GASK1B: variants seen among roughly 807,000 people sequenced by gnomAD.
GASK1B encodes golgi associated kinase 1B, also known as Golgi-associated kinase 1B.
In GASK1B, 34 loss-of-function variants were observed where a neutral mutation model predicts 42.8. That is an observed-to-expected ratio of 0.79 (90% CI 0.60 to 1.06). The LOEUF (loss-of-function observed/expected upper bound fraction) is 1.06. Among genes scored for constraint, GASK1B ranks in the 50% least tolerant of loss-of-function variants. The pLI is 0.00. For missense variants in GASK1B, 686 were observed against 661.0 expected, an observed-to-expected ratio of 1.04 and a Z score of -0.42; for synonymous variants, 262 against 259.1, an observed-to-expected ratio of 1.01 and a Z score of -0.11.
chr4:158,152,255 G>A (rs2110983245), intron 3 of GASK1B, among the ~76,000 whole-genome samples: 1 of 152,246 alleles, frequency 6.6e-6, no homozygotes, highest in African/African-American at 2.4e-5. Flanking sequence ...ACTTCACCTT[G>A]TGATTGTGTG....
intron 3 of GASK1B, among the ~76,000 whole-genome samples, chr4:158,144,122 T>A (rs924687705): frequency 1.3e-5 from 2 of 152,132 alleles, no homozygotes; most frequent in African/African-American, 4.8e-5. Context: ...TCTCTATACA[T>A]CTAAACATAT....
chr4:158,171,172 C>T lies in GASK1B; in HGVS notation c.204G>A (p.Lys68=). 3.1e-6 allele frequency: 5 copies of T among 1,612,010 alleles called. No individual in the cohort carries two copies. The highest frequency in any genetic ancestry group is 3.3e-4 in the Middle Eastern group (2 of 6,052). Residue 68 remains lysine (K), a synonymous_variant, in exon 2 of 5, where the codon AAG becomes AAA. Transcript: ENST00000585682. ...CGGTGTCGCGGCTGCGATGTGGCCC[C>T]TTCTCAGCCGCCTGTCCATGCTGGA... The part of the protein sequence containing the change: ...ASLQHGQAAE[K]GPHRSRDTAE...
intron 3 of GASK1B, among the ~76,000 whole-genome samples, chr4:158,152,629 TACCAAAAAGATAATCC>T (rs1731601463): frequency 6.6e-6 from 1 of 151,944 alleles, no homozygotes; most frequent in Non-Finnish European, 1.5e-5. Context: ...CAATCCAGCA[TACCAAAAAGATAATCC>T]ACCATGATCA....
rs200124851 is a variant in GASK1B at position 158,148,052 on chromosome 4, A to AT, written c.1125+7558dup. The stretch of plus-strand genomic sequence containing the variant: ...GATAATGAGACCTGTCTCTAAAAAA[A>AT]TTTTTTGAATGTTTTAAAAAGTGTG... On this transcript the variant is annotated intron_variant, in intron 3 of 4. Coordinates refer to ENST00000585682, the MANE Select transcript of GASK1B (RefSeq NM_001128424.2). Among the ~76,000 whole-genome samples the AT allele has an allele frequency of 4.2e-3, 637 of 152,136 alleles. 3 individuals carry two copies. The highest frequency in any genetic ancestry group is 0.015 in the African/African-American group (606 of 41,498).
intron 2 of GASK1B, among the ~76,000 whole-genome samples, chr4:158,160,856 C>A (rs1486532840): frequency 6.6e-6 from 1 of 152,044 alleles, no homozygotes; most frequent in Non-Finnish European, 1.5e-5. Context: ...ATAATACAGG[C>A]ACAGAAAGAC....
chr4:158,134,766 T>C (rs531602087), intron 3 of GASK1B, among the ~76,000 whole-genome samples: 1 of 152,298 alleles, frequency 6.6e-6, no homozygotes, highest in South Asian at 2.1e-4. Flanking sequence ...TAGTTTTGCA[T>C]GTAGGAAAAA....
chr4:158,141,390 A>T (rs1268202445), intron 3 of GASK1B, among the ~76,000 whole-genome samples: 6 of 151,264 alleles, frequency 4.0e-5, no homozygotes, highest in Admixed American at 3.9e-4. Context: ...CCTTTTGGTT[A>T]TTGAGGACAG....
chr4:158,150,806 G>A (rs766475242), intron 3 of GASK1B, among the ~76,000 whole-genome samples: 19 of 152,188 alleles, frequency 1.2e-4, no homozygotes, highest in Non-Finnish European at 1.8e-4. Flanking sequence ...GCAGAACTTG[G>A]TGGCTGCTGA....
intron 2 of GASK1B, among the ~76,000 whole-genome samples, chr4:158,165,926 T>C (rs770725479): frequency 7.9e-5 from 12 of 152,218 alleles, no homozygotes; most frequent in Non-Finnish European, 1.8e-4. Flanking sequence ...ATACAGTGTG[T>C]ATACTATGTG....
chr4:158,132,355 C>T (rs538147876), intron 3 of GASK1B, among the ~76,000 whole-genome samples: 40 of 152,190 alleles, frequency 2.6e-4, no homozygotes, highest in African/African-American at 8.4e-4. Flanking sequence ...AAAGGGATGC[C>T]GAAAAGCAGT....
intron 3 of GASK1B, among the ~76,000 whole-genome samples, chr4:158,132,529 A>G (rs552564466): frequency 5.2e-4 from 79 of 152,328 alleles, no homozygotes; most frequent in African/African-American, 1.9e-3. Context: ...TGAAATGGTT[A>G]TTTAGTTTTC....
intron 3 of GASK1B, among the ~76,000 whole-genome samples, chr4:158,152,178 T>C (rs1212660544): frequency 6.6e-6 from 1 of 152,170 alleles, no homozygotes; most frequent in African/African-American, 2.4e-5. Flanking sequence ...TCGACTTCCT[T>C]GCTTTTGAGA....
At chr4:158,150,453 C>A (rs138355603) in intron 3 of GASK1B, among the ~76,000 whole-genome samples, 165 of 152,208 alleles carry the variant, frequency 1.1e-3, no homozygotes, top group Middle Eastern at 3.4e-3. Flanking sequence ...ACTCTATCAC[C>A]CCAATAGAAC....
intron 3 of GASK1B, among the ~76,000 whole-genome samples, chr4:158,138,293 T>C (rs4691461): frequency 0.77 from 116,803 of 152,064 alleles, 46,322 homozygotes; most frequent in East Asian, 0.95. Context: ...CAGAGATACA[T>C]GAAAATAGTC....
chr4:158,146,396 T>C (rs917215695), intron 3 of GASK1B, among the ~76,000 whole-genome samples: 2 of 152,006 alleles, frequency 1.3e-5, no homozygotes, highest in South Asian at 2.1e-4. Flanking sequence ...TAAAATAATA[T>C]AGTTTATTTA....
At position 158,171,032 on chromosome 4, in the gene GASK1B, C is replaced by A; in HGVS notation, c.344G>T (p.Arg115Leu). 1.9e-6 allele frequency: 3 copies of A among 1,613,898 alleles called. No individual in the cohort carries two copies. The highest frequency in any genetic ancestry group is 2.5e-6 in the Non-Finnish European group (3 of 1,179,804). Residue 115 changes from arginine (R) to leucine (L), a missense_variant, in exon 2 of 5, where the codon CGC (arginine) becomes CTC (leucine). Physicochemically the swap from Arg to Leu is moderately radical, Grantham distance 102 (BLOSUM62 -2). Coordinates refer to ENST00000585682, the MANE Select transcript of GASK1B (RefSeq NM_001128424.2). ...GCCACGGATATTGGCCGGCTTGCTG[C>A]GCTTGGAGCGTAGGGTAATGTACAC... ...NVVYITLRSKRSKPANIRGTV... is the reference protein window; with the variant it reads ...NVVYITLRSKLSKPANIRGTV...
In GASK1B at chr4:158,150,852, G is replaced by T. The variant is rs1391815782; in HGVS notation, c.1125+4759C>A. On this transcript the variant is annotated intron_variant, in intron 3 of 4. Coordinates refer to ENST00000585682, the MANE Select transcript of GASK1B (RefSeq NM_001128424.2). ...GCCAAGTCAAATGTCTTACTCCCCA[G>T]TTCAGTCCTTGCTGGTGTCTCTGCA... 2.6e-5 allele frequency among the ~76,000 whole-genome samples: 4 copies of T among 152,180 alleles called. 1 individual carries two copies.
In GASK1B at chr4:158,151,655, G is replaced by A. The variant is rs532700163; in HGVS notation, c.1125+3956C>T. 1.2e-3 allele frequency among the ~76,000 whole-genome samples: 162 copies of A among 136,720 alleles called. 2 individuals carry two copies. The highest frequency in any genetic ancestry group is 0.011 in the Admixed American group (144 of 12,698). 89.7% of individuals were successfully genotyped at this position (136,720 alleles called of 152,430 possible). On this transcript the variant is annotated intron_variant, in intron 3 of 4. Coordinates refer to ENST00000585682, the MANE Select transcript of GASK1B (RefSeq NM_001128424.2). Reference sequence around the variant, plus strand: ...ACAGTAACAGAAAAGATCATTCAAGGCTACTATGAACACCTTTACACGCAA... The same window carrying A: ...ACAGTAACAGAAAAGATCATTCAAGACTACTATGAACACCTTTACACGCAA...
chr4:158,127,728 T>C, intron 4 of GASK1B, 114 bp from the exon 5 acceptor site: 2 of 908,070 alleles, frequency 2.2e-6, no homozygotes, highest in South Asian at 3.5e-5. Context: ...AATGGTATCT[T>C]TGAGAACCAA....
Sources: gnomAD v4.1 joint callset for allele counts (sites outside exome capture counted in the v4.1 genomes callset) on GRCh38, gnomAD v4.1.1 for gene constraint, MANE v1.5 for transcripts, NCBI Gene and HGNC (gene_info 2026-07-23, HGNC 2026-07-21) for gene names.